Variants in DNHD1 observed in about 807,000 individuals in gnomAD.
DNHD1 encodes dynein heavy chain domain-containing protein 1.
A neutral mutation model predicts 458.1 loss-of-function variants in DNHD1; 383 were observed. The ratio of observed to expected loss-of-function variants is 0.84; its 90% confidence interval spans 0.77 to 0.91. DNHD1 has a LOEUF of 0.91. DNHD1 is among the 40% of genes least tolerant of loss of function. DNHD1 has a pLI of 0.00. For missense variants in DNHD1, 5,336 were observed against 5,866.1 expected (o/e 0.91, Z 2.95); for synonymous variants, 2,203 against 2,376.9 (o/e 0.93, Z 2.13).
rs1364993683 is a variant in DNHD1 at position 6,559,004 on chromosome 11, C to T, written c.9314C>T (p.Pro3105Leu). 1 of 1,551,760 alleles carries T rather than the reference C, an allele frequency of 6.4e-7. No individual in the cohort carries two copies. The highest frequency in any genetic ancestry group is 8.7e-7 in the Non-Finnish European group (1 of 1,146,998). Residue 3105 changes from proline (P) to leucine (L), a missense_variant, in exon 27 of 43, where the codon CCT becomes CTT. By Grantham distance (98) the Pro-to-Leu change is moderately conservative. Around this residue, in one of 4 missense-constraint regions of DNHD1, gnomAD observed 3,932 missense variants for 4,365.6 expected, o/e 0.90. Coordinates refer to ENST00000254579, the MANE Select transcript of DNHD1 (RefSeq NM_144666.3). ...SATHYHEHLCPALPLVTPKTF... is the reference protein window; with the variant it reads ...SATHYHEHLCLALPLVTPKTF... ...ACCCACTACCATGAGCACCTGTGCC[C>T]TGCATTGCCACTCGTCACCCCCAAG...
Position 6,557,176 on chromosome 11 carries a change from A to AG in DNHD1, c.7883dup (p.Leu2629ProfsTer22), listed in dbSNP as rs1423726608. The AG allele has an allele frequency of 1.3e-6, 2 of 1,551,588 alleles. No homozygotes were observed. Among genetic ancestry groups the AG allele is most frequent in the African/African-American group, 2.7e-5 (2 of 73,050 alleles). On this transcript the variant is annotated frameshift_variant, in exon 25 of 43. Transcript: ENST00000254579. LOFTEE classifies it high-confidence loss of function. ...ACCAGGAGCACTTGCGCCGGGTGTC[A>AG]GGCCTGCGAGGCACTTGTCTGACCG... is the stretch of plus-strand genomic sequence containing the variant.
chr11:6,570,185 T>C (rs1853809851), intron 40 of DNHD1, 62 bp from the exon 41 acceptor site: 1 of 1,613,608 alleles, frequency 6.2e-7, no homozygotes, highest in African/African-American at 1.3e-5. Context: ...TTCACAGCTT[T>C]GGTTTTGGCG....
In DNHD1 at chr11:6,567,214, A is replaced by G. The variant is rs1469725164; in HGVS notation, c.11705A>G (p.Asp3902Gly). 2 of 1,613,936 alleles carry G rather than the reference A, an allele frequency of 1.2e-6. No homozygotes were observed. The highest frequency in any genetic ancestry group is 4.5e-5 in the East Asian group (2 of 44,880). The change falls in exon 36 of 43, where the codon GAC (aspartate) becomes GGC (glycine). Residue 3902 changes from aspartate (D) to glycine (G), a missense_variant. Around this residue, in one of 4 missense-constraint regions of DNHD1, gnomAD observed 695 missense variants for 804.2 expected, o/e 0.86. Coordinates refer to ENST00000254579, the MANE Select transcript of DNHD1 (RefSeq NM_144666.3). ...MKPREINHGE[D>G]LASHLLQLRA... Reference sequence around the variant, plus strand: ...CCACGTGAGATTAATCACGGGGAGGACCTGGCCAGCCATCTACTGCAATTG... The same window carrying G: ...CCACGTGAGATTAATCACGGGGAGGGCCTGGCCAGCCATCTACTGCAATTG...
At chr11:6,516,439 A>T (rs924301269) in intron 7 of DNHD1, among the ~76,000 whole-genome samples, 1 of 151,774 alleles carries the variant, frequency 6.6e-6, no homozygotes, top group Non-Finnish European at 1.5e-5. Context: ...CTAGGATTAC[A>T]GGTGCCCACC....
At chr11:6,512,487 G>A (rs1389742692) in intron 7 of DNHD1, among the ~76,000 whole-genome samples, 1 of 151,902 alleles carries the variant, frequency 6.6e-6, no homozygotes, top group African/African-American at 2.4e-5. Flanking sequence ...CTCCCAAAGT[G>A]CTGGGATTAC....
In DNHD1 at chr11:6,557,651, T is replaced by C. The variant is rs1255534196; in HGVS notation, c.8356T>C (p.Ser2786Pro). ...CAACTATAGGCTCCAGGTAAGGAGA[T>C]CATTCAAGACTTGGTGGCAGAAGAA... Reference protein sequence around the residue: ...ASNYRLQVRRSFKTWWQKKPQ... With the variant: ...ASNYRLQVRRPFKTWWQKKPQ... The change falls in exon 25 of 43, where the codon TCA becomes CCA. Residue 2786 changes from serine to proline, a missense_variant. Ser to Pro is a moderately conservative substitution (Grantham distance 74, BLOSUM62 -1). This residue lies in a region of DNHD1 where 3,932 missense variants were observed against 4,365.6 expected (regional missense o/e 0.90). Coordinates refer to ENST00000254579, the MANE Select transcript of DNHD1 (RefSeq NM_144666.3). 6.4e-7 allele frequency: 1 copy of C among 1,551,506 alleles called. No homozygotes were observed. The highest frequency in any genetic ancestry group is 1.4e-5 in the African/African-American group (1 of 72,990).
rs2134457689 is a variant in DNHD1 at position 6,565,781 on chromosome 11, G to A, written c.10843G>A (p.Glu3615Lys). Residue 3615 changes from glutamate (E) to lysine (K), a missense_variant, in exon 33 of 43, where the codon GAG (glutamate) becomes AAG (lysine). By Grantham distance (56) the Glu-to-Lys change is moderately conservative. Coordinates refer to ENST00000254579, the MANE Select transcript of DNHD1 (RefSeq NM_144666.3). Reference protein sequence around the residue: ...DDESEESNEAEDQTKEQKAEE... With the variant: ...DDESEESNEAKDQTKEQKAEE... ...TGAGAGTGAAGAGAGTAATGAGGCT[G>A]AGGACCAGACAAAAGAGCAGAAGGC... 1 of 1,551,654 alleles carries A rather than the reference G, an allele frequency of 6.4e-7. No homozygotes were observed. The highest frequency in any genetic ancestry group is 1.2e-5 in the South Asian group (1 of 84,052).
intron 32 of DNHD1, 23 bp downstream of exon 32, chr11:6,564,827 A>G (rs1294733310): frequency 3.4e-6 from 5 of 1,471,462 alleles, no homozygotes; most frequent in Non-Finnish European, 4.6e-6. Context: ...AATAAATGCA[A>G]TGCTTCCGGA....
intron 18 of DNHD1, among the ~76,000 whole-genome samples, chr11:6,543,500 A>C (rs1853140944): frequency 7.5e-6 from 1 of 133,604 alleles, no homozygotes; most frequent in East Asian, 2.0e-4. Context: ...TAGTTCTTAC[A>C]AAGCACTTCC....
At chr11:6,539,413 G>A in intron 17 of DNHD1, 100 bp downstream of exon 17, 3 of 909,674 alleles carry the variant, frequency 3.3e-6, no homozygotes, top group East Asian at 2.6e-5. Flanking sequence ...ATTTAATGTG[G>A]GGTTGAGCCT....
intron 18 of DNHD1, among the ~76,000 whole-genome samples, chr11:6,541,593 G>A (rs1358478802): frequency 6.6e-6 from 1 of 152,200 alleles, no homozygotes; most frequent in South Asian, 2.1e-4. Flanking sequence ...AATAGTGGAG[G>A]AGGGGATGGA....
At position 6,565,942 on chromosome 11, in the gene DNHD1, A is replaced by G; in HGVS notation, c.11004A>G (p.Ser3668=). 6.4e-7 allele frequency: 1 copy of G among 1,551,644 alleles called. No homozygotes were observed. Among genetic ancestry groups the G allele is most frequent in the Non-Finnish European group, 8.7e-7 (1 of 1,146,986 alleles). ...CCCTTCCCTACCTTAGTGTTCTTTCAGGTGCTGACCCAGAGCTGGGTTCTC... is the reference window on the plus strand; with the variant it reads ...CCCTTCCCTACCTTAGTGTTCTTTCGGGTGCTGACCCAGAGCTGGGTTCTC... ...LPSLPYLSVL[S]GADPELGSQL... is the part of the protein sequence containing the mutation. The change falls in exon 33 of 43, where the codon TCA becomes TCG. Residue 3668 remains serine, a synonymous_variant. Transcript: ENST00000254579.
At chr11:6,521,992 C>T (rs1356783353) in intron 10 of DNHD1, among the ~76,000 whole-genome samples, 1 of 152,320 alleles carries the variant, frequency 6.6e-6, no homozygotes, top group African/African-American at 2.4e-5. Flanking sequence ...GCTGGGATTA[C>T]AGGCATGAGC....
rs533283226 is a variant in DNHD1 at position 6,498,152 on chromosome 11, C to T, written c.-64C>T. 2.8e-5 allele frequency: 44 copies of T among 1,560,348 alleles called. No homozygotes were observed. The South Asian group carries it at 3.3e-4, about 12-fold the overall frequency. On this transcript the variant is annotated 5_prime_UTR_variant, in exon 3 of 43. Transcript: ENST00000254579. Reference sequence around the variant, plus strand: ...AGGCCCCGCATCTGGCATCCTGGAACTGGCAGTTGGAGCCTGAGCTATGGG... The same window carrying T: ...AGGCCCCGCATCTGGCATCCTGGAATTGGCAGTTGGAGCCTGAGCTATGGG...
chr11:6,506,007 C>G (rs1156327206), intron 4 of DNHD1, among the ~76,000 whole-genome samples: 5 of 152,172 alleles, frequency 3.3e-5, no homozygotes, highest in Admixed American at 1.3e-4. Context: ...CGATCAAAGA[C>G]AGTTAGGCAC....
rs751964228 is a variant in DNHD1 at position 6,566,986 on chromosome 11, TA to T, written c.11478del (p.Cys3827AlafsTer10). 2 of 1,614,000 alleles carry T rather than the reference TA, an allele frequency of 1.2e-6. No homozygotes were observed. The highest frequency in any genetic ancestry group is 1.7e-6 in the Non-Finnish European group (2 of 1,179,872). ...LRNIVRAQGK[L>X]CQLRAHCEEL... ...AACATAGTGAGGGCCCAAGGAAAGC[TA>T]TGCCAGCTGCGTGCTCATTGTGAAG... is the stretch of plus-strand genomic sequence containing the variant. On this transcript the variant is annotated frameshift_variant, in exon 36 of 43. Coordinates refer to ENST00000254579, the MANE Select transcript of DNHD1 (RefSeq NM_144666.3). LOFTEE classifies it high-confidence loss of function.
At chr11:6,569,849 G>A (rs529764915) in intron 39 of DNHD1, among the ~76,000 whole-genome samples, 160 bp from the exon 40 acceptor site, 3 of 152,254 alleles carry the variant, frequency 2.0e-5, no homozygotes, top group South Asian at 4.1e-4. Context: ...CAGGTTTTGT[G>A]GGGGGAAATG....
chr11:6,505,575 T>C lies in DNHD1; in HGVS notation c.920+2649T>C, dbSNP rs946539920. Among the ~76,000 whole-genome samples the C allele has an allele frequency of 6.6e-6, 1 of 152,188 alleles. No homozygotes were observed. Among genetic ancestry groups the C allele is most frequent in the African/African-American group, 2.4e-5 (1 of 41,450 alleles). ...GCCTCGACATCTTTTTAAAAACACA[T>C]TCTCTTTATTAAATTCACTTTGTTG... is the stretch of plus-strand genomic sequence containing the variant. On this transcript the variant is annotated intron_variant, in intron 4 of 42. Transcript: ENST00000254579. This position sits in a 1 kb window ranked among gnomAD's most constrained non-coding sequence, Gnocchi z 4.4.
intron 28 of DNHD1, among the ~76,000 whole-genome samples, chr11:6,559,910 A>T (rs1191396129): frequency 6.6e-6 from 1 of 152,108 alleles, no homozygotes; most frequent in African/African-American, 2.4e-5. Flanking sequence ...AATGTTTTTG[A>T]GCCGTCCCAT....
Sources: gnomAD v4.1 joint callset for allele counts (sites outside exome capture counted in the v4.1 genomes callset) on GRCh38, gnomAD v4.1.1 for gene constraint, gnomAD v4.1.1 regional missense constraint, Gnocchi (gnomAD v3.1) non-coding constraint, MANE v1.5 for transcripts, NCBI Gene and HGNC (gene_info 2026-07-23, HGNC 2026-07-21) for gene names.